Variants in OSBPL3 observed in about 807,000 individuals in gnomAD.
OSBPL3 encodes the protein oxysterol-binding protein-related protein 3.
Under a neutral mutation model 120.1 loss-of-function variants are expected in OSBPL3, and 65 were observed. That is an observed-to-expected ratio of 0.54 (90% CI 0.44 to 0.67). The LOEUF is 0.67. Among genes scored for constraint, OSBPL3 ranks in the 30% least tolerant of loss-of-function variants. The pLI, the probability that OSBPL3 is intolerant of heterozygous loss-of-function variation, is 0.00. For synonymous variants in OSBPL3, 416 were observed against 402.6 expected (o/e 1.03, Z -0.40); for missense variants, 1,004 against 1,082.1 (o/e 0.93, Z 1.01).
In OSBPL3 at chr7:24,944,367, G is replaced by A. The variant is rs577095899; in HGVS notation, c.-150+35519C>T. Among the ~76,000 whole-genome samples the A allele has an allele frequency of 5.3e-5, 8 of 151,986 alleles. No individual in the cohort carries two copies. In the East Asian group the frequency reaches 1.4e-3, roughly 26 times the overall value. On this transcript the variant is annotated intron_variant, in intron 1 of 22. Coordinates refer to ENST00000313367, the MANE Select transcript of OSBPL3 (RefSeq NM_015550.4). The stretch of plus-strand genomic sequence containing the variant: ...ATGGTGGCCGGGCGCGGTGGCTCAC[G>A]CCTGTAATCCCAGCACTTTGGGAGG...
intron 10 of OSBPL3, among the ~76,000 whole-genome samples, chr7:24,861,093 A>G (rs916531179): frequency 6.6e-6 from 1 of 152,212 alleles, no homozygotes; most frequent in Non-Finnish European, 1.5e-5. Flanking sequence ...ATTTGATACT[A>G]TATTTCCTTT....
chr7:24,882,833 AT>A (rs952371218), intron 2 of OSBPL3, among the ~76,000 whole-genome samples: 1 of 151,988 alleles, frequency 6.6e-6, no homozygotes, highest in Admixed American at 6.6e-5. Flanking sequence ...TATGTTGAAC[AT>A]TTTTTCATAT....
chr7:24,888,442 A>G (rs1382021388), intron 2 of OSBPL3, among the ~76,000 whole-genome samples: 4 of 152,224 alleles, frequency 2.6e-5, no homozygotes, highest in Non-Finnish European at 5.9e-5. Context: ...TTAATGTTCT[A>G]ATCACTATGC....
chr7:24,884,545 G>C (rs2128318140), intron 2 of OSBPL3, among the ~76,000 whole-genome samples: 1 of 152,252 alleles, frequency 6.6e-6, no homozygotes. Context: ...CCCCTGCACT[G>C]TGCCACCCAC....
In OSBPL3 at chr7:24,871,345, C is replaced by T. The variant is rs939824356; in HGVS notation, c.267+397G>A. On this transcript the variant is annotated intron_variant, in intron 4 of 22. Coordinates refer to ENST00000313367, the MANE Select transcript of OSBPL3 (RefSeq NM_015550.4). The surrounding 1 kb of genome is among the most constrained non-coding windows in gnomAD (Gnocchi z 4.8). ...GTCATTCACACACAGAGCCTTCACACACCAACTGCCTGGGATTAATTTGAA... is the reference window on the plus strand; with the variant it reads ...GTCATTCACACACAGAGCCTTCACATACCAACTGCCTGGGATTAATTTGAA... 2.6e-5 allele frequency among the ~76,000 whole-genome samples: 4 copies of T among 152,226 alleles called. No homozygotes were observed. The highest frequency in any genetic ancestry group is 7.2e-5 in the African/African-American group (3 of 41,454).
rs562148100 is a variant in OSBPL3 at position 24,855,965 on chromosome 7, G to A, written c.1028-3331C>T. Among the ~76,000 whole-genome samples the A allele has an allele frequency of 6.6e-6, 1 of 152,280 alleles. No homozygotes were observed. The highest frequency in any genetic ancestry group is 2.1e-4 in the South Asian group (1 of 4,820). On this transcript the variant is annotated intron_variant, in intron 10 of 22. Coordinates refer to ENST00000313367, the MANE Select transcript of OSBPL3 (RefSeq NM_015550.4). The surrounding 1 kb of genome is among the most constrained non-coding windows in gnomAD (Gnocchi z 4.3). ...CCCGCCAAATGGTCTGCTGGCCCAC[G>A]CTTGTCAGAGCACTTGCTATCTCCT... is the stretch of plus-strand genomic sequence containing the variant.
chr7:24,854,520 A>G lies in OSBPL3; in HGVS notation c.1028-1886T>C, dbSNP rs1290643633. 6.7e-6 allele frequency among the ~76,000 whole-genome samples: 1 copy of G among 149,576 alleles called. No individual in the cohort carries two copies. The highest frequency in any genetic ancestry group is 6.7e-5 in the Admixed American group (1 of 14,922). On this transcript the variant is annotated intron_variant, in intron 10 of 22. Transcript: ENST00000313367. The surrounding 1 kb of genome is among the most constrained non-coding windows in gnomAD (Gnocchi z 4.1). ...CACACACGCACACACACACACACAC[A>G]CACACACACACACACACAAACACAC...
At chr7:24,934,327 C>T (rs1167205881) in intron 1 of OSBPL3, among the ~76,000 whole-genome samples, 2 of 152,072 alleles carry the variant, frequency 1.3e-5, no homozygotes, top group Non-Finnish European at 2.9e-5. Context: ...TGACAGATAA[C>T]CGAGTTCCTC....
In OSBPL3 at chr7:24,801,210, C is replaced by T. The variant is rs1792297284; in HGVS notation, c.2568-931G>A. Among the ~76,000 whole-genome samples, 3 of 138,148 alleles carry T rather than the reference C, an allele frequency of 2.2e-5. No homozygotes were observed. The Admixed American group carries it at 2.3e-4, about 11-fold the overall frequency. 90.6% of individuals were successfully genotyped at this position (138,148 alleles called of 152,430 possible). ...AGAGAGCTAGGATCACGGCACTGCA[C>T]TCCAGCCTGGAAGACAGAGCAAGAC... On this transcript the variant is annotated intron_variant, in intron 22 of 22. Transcript: ENST00000313367.
chr7:24,872,453 G>GTGTGTA lies in OSBPL3; in HGVS notation c.97-385_97-384insTACACA, dbSNP rs1281714184. On this transcript the variant is annotated intron_variant, in intron 2 of 22. Transcript: ENST00000313367. The surrounding 1 kb of genome is among the most constrained non-coding windows in gnomAD (Gnocchi z 4.1). ...CTGAATTTTAACCGAAAGAGAGTGTGTGTGTGTGTGTGTGTGTGTGTGTGT... is the reference window on the plus strand; with the variant it reads ...CTGAATTTTAACCGAAAGAGAGTGTGTGTGTATGTGTGTGTGTGTGTGTGTGTGTGT... Among the ~76,000 whole-genome samples, 2 of 121,268 alleles carry GTGTGTA rather than the reference G, an allele frequency of 1.6e-5. No homozygotes were observed. The highest frequency in any genetic ancestry group is 6.3e-5 in the African/African-American group (2 of 31,640). The allele number at this position is 121,268 out of a possible 152,430, so 79.6% of individuals were successfully genotyped here. A position where few individuals can be genotyped will look rare whatever the true frequency, so the allele number is the denominator to read the frequency against.
chr7:24,956,621 G>C (rs974558690), intron 1 of OSBPL3, among the ~76,000 whole-genome samples: 4 of 152,176 alleles, frequency 2.6e-5, no homozygotes, highest in Admixed American at 1.3e-4. Flanking sequence ...TATAAAGTTA[G>C]TCTCATTGTT....
rs947685704 is a variant in OSBPL3 at position 24,896,023 on chromosome 7, G to A, written c.-149-3402C>T. On this transcript the variant is annotated intron_variant, in intron 1 of 22. Coordinates refer to ENST00000313367, the MANE Select transcript of OSBPL3 (RefSeq NM_015550.4). This position sits in a 1 kb window ranked among gnomAD's most constrained non-coding sequence, Gnocchi z 4.4. The stretch of plus-strand genomic sequence containing the variant: ...GATCTTTTTGCAGATTGCTGTCCCT[G>A]AGTAAATCTCTCCTGCAAGTACTTG... 6.6e-6 allele frequency among the ~76,000 whole-genome samples: 1 copy of A among 152,168 alleles called. No individual in the cohort carries two copies. Among genetic ancestry groups the A allele is most frequent in the South Asian group, 2.1e-4 (1 of 4,820 alleles).
chr7:24,933,212 G>A lies in OSBPL3; in HGVS notation c.-149-40591C>T, dbSNP rs557631201. On this transcript the variant is annotated intron_variant, in intron 1 of 22. Coordinates refer to ENST00000313367, the MANE Select transcript of OSBPL3 (RefSeq NM_015550.4). This position sits in a 1 kb window ranked among gnomAD's most constrained non-coding sequence, Gnocchi z 5.1. ...AGAGGACAGGGACATTCAATTACAC[G>A]TGTTCAAAGGAGAAAAGATCATGAG... Among the ~76,000 whole-genome samples the A allele has an allele frequency of 7.9e-5, 12 of 152,284 alleles. No homozygotes were observed. The highest frequency in any genetic ancestry group is 5.9e-4 in the Admixed American group (9 of 15,290).
chr7:24,891,065 T>C lies in OSBPL3; in HGVS notation c.96+1312A>G, dbSNP rs1805275543. On this transcript the variant is annotated intron_variant, in intron 2 of 22. Transcript: ENST00000313367. The surrounding 1 kb of genome is among the most constrained non-coding windows in gnomAD (Gnocchi z 4.1). ...CGCAGGTAGGGGATATACCACATAC[T>C]GTTTTAATCCCAACCAGAGTTTTGG... 6.6e-6 allele frequency among the ~76,000 whole-genome samples: 1 copy of C among 152,192 alleles called. No individual in the cohort carries two copies. Among genetic ancestry groups the C allele is most frequent in the Admixed American group, 6.5e-5 (1 of 15,282 alleles).
At chr7:24,941,156 A>G (rs1456679685) in intron 1 of OSBPL3, among the ~76,000 whole-genome samples, 1 of 152,238 alleles carries the variant, frequency 6.6e-6, no homozygotes, top group Non-Finnish European at 1.5e-5. Flanking sequence ...TATTTGCCTT[A>G]GCAATAGTTT....
intron 1 of OSBPL3, among the ~76,000 whole-genome samples, chr7:24,978,086 G>A (rs558048445): frequency 1.3e-4 from 20 of 152,216 alleles, no homozygotes; most frequent in Non-Finnish European, 2.9e-4. Flanking sequence ...AAATGGGCTG[G>A]AATCCTAGTT....
At chr7:24,874,034 G>T (rs1253412331) in intron 2 of OSBPL3, among the ~76,000 whole-genome samples, 3 of 152,174 alleles carry the variant, frequency 2.0e-5, no homozygotes, top group African/African-American at 7.2e-5. Flanking sequence ...GAGTATTTCT[G>T]ATTTCCCCAC....
chr7:24,927,611 T>C (rs894500381), intron 1 of OSBPL3, among the ~76,000 whole-genome samples: 8 of 152,192 alleles, frequency 5.3e-5, no homozygotes, highest in Non-Finnish European at 5.9e-5. Flanking sequence ...AAAATGTGTA[T>C]GGGTGGATTG....
Position 24,801,596 on chromosome 7 carries a change from G to C in OSBPL3, c.2568-1317C>G, listed in dbSNP as rs552190585. Among the ~76,000 whole-genome samples the C allele has an allele frequency of 4.7e-4, 71 of 152,322 alleles. 4 individuals are homozygous for C. The South Asian group carries it at 0.014, about 31-fold the overall frequency. On this transcript the variant is annotated intron_variant, in intron 22 of 22. Coordinates refer to ENST00000313367, the MANE Select transcript of OSBPL3 (RefSeq NM_015550.4). ...AGATCATTTCCGATTAGTACAATAAGGTAAGGGTCAGCAAACTATGGCCCA... is the reference window on the plus strand; with the variant it reads ...AGATCATTTCCGATTAGTACAATAACGTAAGGGTCAGCAAACTATGGCCCA...
Sources: gnomAD v4.1 joint callset for allele counts (sites outside exome capture counted in the v4.1 genomes callset) on GRCh38, gnomAD v4.1.1 for gene constraint, Gnocchi (gnomAD v3.1) non-coding constraint, MANE v1.5 for transcripts, NCBI Gene and HGNC (gene_info 2026-07-23, HGNC 2026-07-21) for gene names.